CLEC2L: variants seen among roughly 807,000 people sequenced by gnomAD.
The protein encoded by CLEC2L is C-type lectin domain family 2, member L.
CLEC2L carries 14 observed loss-of-function variants against 23.6 expected under a neutral mutation model. The ratio of observed to expected loss-of-function variants is 0.59; its 90% CI spans 0.39 to 0.93. The LOEUF (loss-of-function observed/expected upper bound fraction) is 0.93. Among genes scored for constraint, CLEC2L ranks in the 40% least tolerant of loss-of-function variants. CLEC2L has a pLI of 0.00. For synonymous variants in CLEC2L, 114 were observed against 121.3 expected, an observed-to-expected ratio of 0.94 and a Z score of 0.40; for missense variants, 264 against 282.4, an observed-to-expected ratio of 0.93 and a Z score of 0.47.
intron 4 of CLEC2L, among the ~76,000 whole-genome samples, chr7:139,542,788 T>C (rs1585203648): frequency 6.6e-6 from 1 of 150,992 alleles, no homozygotes; most frequent in African/African-American, 2.4e-5. Context: ...GGTGTGGGGG[T>C]GATGGTCATG....
rs1246572620 is a variant in CLEC2L, at chr7:139,524,105, G to A, written c.178G>A (p.Ala60Thr). The A allele has an allele frequency of 1.6e-6, 2 of 1,228,056 alleles. No homozygotes were observed. The highest frequency in any genetic ancestry group is 2.0e-6 in the Non-Finnish European group (2 of 982,946). 76.1% of individuals were successfully genotyped at this position (1,228,056 alleles called of 1,614,324 possible). ...CTACGAGGGCAGCACCAGCTGGAAGGCGGCCTTGGAGGGTAAGCGCGGAGC... is the reference window on the plus strand; with the variant it reads ...CTACGAGGGCAGCACCAGCTGGAAGACGGCCTTGGAGGGTAAGCGCGGAGC... Reference protein sequence around the residue: ...SGYEGSTSWKAALEDTTTRLL... With the variant: ...SGYEGSTSWKTALEDTTTRLL... The change falls in exon 1 of 5, where the codon GCG becomes ACG. Residue 60 changes from alanine (A) to threonine (T), a missense_variant. Transcript: ENST00000422142.
At chr7:139,531,879 C>T (rs945646000) in intron 1 of CLEC2L, among the ~76,000 whole-genome samples, 1 of 151,442 alleles carries the variant, frequency 6.6e-6, no homozygotes, top group Non-Finnish European at 1.5e-5. Context: ...CATGGCACTC[C>T]ACCCTGGGCA....
In CLEC2L at chr7:139,523,817, C is replaced by T. The variant is rs1319193523; in HGVS notation, c.-111C>T. 7.1e-6 allele frequency: 5 copies of T among 707,044 alleles called. No homozygotes were observed. The highest frequency in any genetic ancestry group is 8.6e-6 in the Non-Finnish European group (5 of 578,218). 43.8% of individuals were successfully genotyped at this position (707,044 alleles called of 1,614,324 possible). ...CTGCCAGCGCCGCGGTCCTAGCCCA[C>T]CCGAGGCCGGCCTGGGGGGCCCGCA... is the stretch of plus-strand genomic sequence containing the variant. On this transcript the variant is annotated 5_prime_UTR_variant, in exon 1 of 5. Transcript: ENST00000422142. The surrounding 1 kb of genome is among the most constrained non-coding windows in gnomAD (Gnocchi z 4.1).
chr7:139,528,241 G>A (rs1464686453), intron 1 of CLEC2L, among the ~76,000 whole-genome samples: 2 of 152,200 alleles, frequency 1.3e-5, no homozygotes, highest in Non-Finnish European at 2.9e-5. Context: ...ATTATTTGTA[G>A]TTAAGATGAG....
intron 1 of CLEC2L, among the ~76,000 whole-genome samples, chr7:139,534,071 A>G (rs1797618366): frequency 6.6e-6 from 1 of 152,224 alleles, no homozygotes; most frequent in Non-Finnish European, 1.5e-5. Context: ...TAATCAAAAC[A>G]ATGCAAACCA....
intron 1 of CLEC2L, among the ~76,000 whole-genome samples, chr7:139,526,967 C>G (rs935890835): frequency 6.6e-6 from 1 of 152,238 alleles, no homozygotes; most frequent in Non-Finnish European, 1.5e-5. Flanking sequence ...TTATGCTGCC[C>G]CTGCTTAGCC....
rs543459854 is a variant in CLEC2L at position 139,524,510 on chromosome 7, G to A, written c.190+393G>A. Among the ~76,000 whole-genome samples, 95 of 152,292 alleles carry A rather than the reference G, an allele frequency of 6.2e-4. 1 individual carries two copies. Among genetic ancestry groups the A allele is most frequent in the Middle Eastern group, 3.4e-3 (1 of 294 alleles). ...ACGCTTCGAGTAAAGTAAGAAAGCT[G>A]GAGACCCCAGAGGTGGTGCCCGCCC... On this transcript the variant is annotated intron_variant, in intron 1 of 4. Coordinates refer to ENST00000422142, the MANE Select transcript of CLEC2L (RefSeq NM_001080511.4).
intron 1 of CLEC2L, among the ~76,000 whole-genome samples, chr7:139,535,752 GAGCAAAGATTCAGT>G (rs1019942311): frequency 9.9e-5 from 15 of 152,122 alleles, no homozygotes; most frequent in African/African-American, 3.6e-4. Context: ...GAGATTTCGG[GAGCAAAGATTCAGT>G]AGCAGGGCTG....
Position 139,524,009 on chromosome 7 carries a change from C to G in CLEC2L, c.82C>G (p.Pro28Ala). The G allele has an allele frequency of 4.5e-6, 5 of 1,118,290 alleles. No homozygotes were observed. The highest frequency in any genetic ancestry group is 5.5e-6 in the Non-Finnish European group (5 of 914,820). The allele number at this position is 1,118,290 out of a possible 1,614,324, so 69.3% of individuals were successfully genotyped here. A position where few individuals can be genotyped will look rare whatever the true frequency, so the allele number is the denominator to read the frequency against. Reference protein sequence around the residue: ...AARPAPAPAAPRPRSPAEAEA... With the variant: ...AARPAPAPAAARPRSPAEAEA... The stretch of plus-strand genomic sequence containing the variant: ...GCGCCCCGCGCCCGCCCCCGCCGCC[C>G]CCAGGCCGCGTTCGCCCGCAGAGGC... The change falls in exon 1 of 5, where the codon CCC becomes GCC. Residue 28 changes from proline (P) to alanine (A), a missense_variant. Physicochemically the swap from Pro to Ala is conservative, Grantham distance 27 (BLOSUM62 -1). Transcript: ENST00000422142.
At chr7:139,537,128 G>T (rs1449154404) in intron 2 of CLEC2L, among the ~76,000 whole-genome samples, 1 of 151,842 alleles carries the variant, frequency 6.6e-6, no homozygotes, top group African/African-American at 2.4e-5. Flanking sequence ...AATAATAGAG[G>T]TATTACTGCC....
intron 1 of CLEC2L, among the ~76,000 whole-genome samples, chr7:139,524,808 G>A (rs879575291): frequency 6.6e-6 from 1 of 152,208 alleles, no homozygotes; most frequent in Non-Finnish European, 1.5e-5. Flanking sequence ...GTGAGAGGGT[G>A]GCTGGCCCTT....
At chr7:139,541,899 C>G in intron 3 of CLEC2L, 122 bp from the exon 4 acceptor site, 1 of 686,246 alleles carries the variant, frequency 1.5e-6, no homozygotes, top group Non-Finnish European at 2.6e-6. Flanking sequence ...AGACAACAGT[C>G]ACTCTCCTGG....
At chr7:139,532,906 G>A (rs1348894906) in intron 1 of CLEC2L, among the ~76,000 whole-genome samples, 1 of 152,172 alleles carries the variant, frequency 6.6e-6, no homozygotes, top group Admixed American at 6.5e-5. Flanking sequence ...ACTGAACTAA[G>A]ACCAAAGTGA....
At chr7:139,528,880 A>G (rs1227584964) in intron 1 of CLEC2L, among the ~76,000 whole-genome samples, 2 of 152,178 alleles carry the variant, frequency 1.3e-5, no homozygotes, top group African/African-American at 2.4e-5. Context: ...ATTATCCCTG[A>G]GACATAATGA....
At position 139,524,079 on chromosome 7, in the gene CLEC2L, G is replaced by A; in HGVS notation, c.152G>A (p.Gly51Asp). Reference protein sequence around the residue: ...PEGLLRRSGSGYEGSTSWKAA... With the variant: ...PEGLLRRSGSDYEGSTSWKAA... The stretch of plus-strand genomic sequence containing the variant: ...GGGCTGCTGCGGCGATCCGGGTCGG[G>A]CTACGAGGGCAGCACCAGCTGGAAG... Residue 51 changes from glycine to aspartate, a missense_variant, in exon 1 of 5, where the codon GGC becomes GAC. Physicochemically the swap from Gly to Asp is moderately conservative, Grantham distance 94 (BLOSUM62 -1). Transcript: ENST00000422142. The A allele has an allele frequency of 3.3e-6, 4 of 1,226,786 alleles. No individual in the cohort carries two copies. The highest frequency in any genetic ancestry group is 4.1e-5 in the South Asian group (1 of 24,254). 76.0% of individuals were successfully genotyped at this position (1,226,786 alleles called of 1,614,324 possible).
chr7:139,531,282 A>C (rs1375189769), intron 1 of CLEC2L, among the ~76,000 whole-genome samples: 1 of 152,180 alleles, frequency 6.6e-6, no homozygotes, highest in Admixed American at 6.5e-5. Flanking sequence ...TCATATCTTC[A>C]GAGAGAAGAG....
chr7:139,537,458 G>T (rs1585201048), intron 2 of CLEC2L, among the ~76,000 whole-genome samples: 1 of 152,222 alleles, frequency 6.6e-6, no homozygotes, highest in African/African-American at 2.4e-5. Context: ...TGAATTGAGG[G>T]AAGTGACTAG....
chr7:139,537,292 A>T (rs1797673713), intron 2 of CLEC2L, among the ~76,000 whole-genome samples: 1 of 152,056 alleles, frequency 6.6e-6, no homozygotes, highest in Non-Finnish European at 1.5e-5. Context: ...TTGAACTATC[A>T]AAGACAAATT....
intron 1 of CLEC2L, among the ~76,000 whole-genome samples, chr7:139,525,429 G>T (rs1055020494): frequency 1.3e-5 from 2 of 152,138 alleles, no homozygotes; most frequent in Non-Finnish European, 2.9e-5. Context: ...TCTGAAGCTG[G>T]ACCACCAGAC....
Sources: gnomAD v4.1 joint callset for allele counts (sites outside exome capture counted in the v4.1 genomes callset) on GRCh38, gnomAD v4.1.1 for gene constraint, Gnocchi (gnomAD v3.1) non-coding constraint, MANE v1.5 for transcripts, NCBI Gene and HGNC (gene_info 2026-07-23, HGNC 2026-07-21) for gene names.